MCTP1: variants seen among roughly 807,000 people sequenced by gnomAD.
MCTP1 encodes multiple C2 and transmembrane domain-containing protein 1.
A neutral mutation model predicts 120.6 loss-of-function variants in MCTP1; 69 were observed. The observed-to-expected ratio is 0.57, with a 90% confidence interval of 0.47 to 0.70. MCTP1 has a LOEUF of 0.70. Among genes scored for constraint, MCTP1 ranks in the 30% least tolerant of loss-of-function variants. The pLI, the probability that MCTP1 is intolerant of heterozygous loss-of-function variation, is 0.00. For synonymous variants in MCTP1, 529 were observed against 493.1 expected, an observed-to-expected ratio of 1.07 and a Z score of -0.96; for missense variants, 1,203 against 1,248.8, an observed-to-expected ratio of 0.96 and a Z score of 0.55.
At chr5:94,773,278 C>G (rs1774507470) in intron 19 of MCTP1, among the ~76,000 whole-genome samples, 1 of 152,024 alleles carries the variant, frequency 6.6e-6, no homozygotes, top group South Asian at 2.1e-4. Context: ...CAGTTTACAC[C>G]CCTGGCATGA....
At chr5:95,002,777 T>C (rs1036891816) in intron 2 of MCTP1, among the ~76,000 whole-genome samples, 2 of 152,204 alleles carry the variant, frequency 1.3e-5, no homozygotes, top group Admixed American at 1.3e-4. Flanking sequence ...GGGTTAATGC[T>C]GGAATGAGTT....
chr5:94,862,664 A>T (rs566799525), intron 17 of MCTP1, among the ~76,000 whole-genome samples: 3 of 151,762 alleles, frequency 2.0e-5, no homozygotes, highest in East Asian at 3.9e-4. Flanking sequence ...TGTACCTTAT[A>T]CTCTTTGGGG....
chr5:94,864,937 A>C (rs1796519456), intron 17 of MCTP1, among the ~76,000 whole-genome samples: 1 of 151,902 alleles, frequency 6.6e-6, no homozygotes, highest in Non-Finnish European at 1.5e-5. Context: ...GATGAAAATT[A>C]GGCCCAATTT....
At chr5:95,126,911 T>C (rs1758675130) in intron 1 of MCTP1, among the ~76,000 whole-genome samples, 1 of 152,206 alleles carries the variant, frequency 6.6e-6, no homozygotes, top group Non-Finnish European at 1.5e-5. Flanking sequence ...ACTTTAGAAA[T>C]CAACGGAAAC....
At chr5:95,218,828 C>T (rs1306544769) in intron 1 of MCTP1, among the ~76,000 whole-genome samples, 3 of 152,066 alleles carry the variant, frequency 2.0e-5, no homozygotes, top group South Asian at 2.1e-4. Flanking sequence ...AGTAAGTTAC[C>T]GTACTGAATA....
At chr5:94,901,934 T>C (rs2153421051) in intron 10 of MCTP1, among the ~76,000 whole-genome samples, 1 of 152,296 alleles carries the variant, frequency 6.6e-6, no homozygotes. Context: ...CATCAGTCTC[T>C]AATACATGAA....
chr5:95,052,135 G>A (rs1026995740), intron 1 of MCTP1, among the ~76,000 whole-genome samples: 2 of 152,088 alleles, frequency 1.3e-5, no homozygotes, highest in East Asian at 1.9e-4. Context: ...TGAAATTTTG[G>A]GCAAGTAGGT....
At chr5:94,933,111 C>T (rs1018206614) in intron 5 of MCTP1, among the ~76,000 whole-genome samples, 5 of 151,766 alleles carry the variant, frequency 3.3e-5, no homozygotes, top group African/African-American at 9.7e-5. Flanking sequence ...TCCTCCTTAA[C>T]AAAGACTGTT....
chr5:95,037,974 C>G (rs545578423), intron 1 of MCTP1: 1 of 200,652 alleles, frequency 5.0e-6, no homozygotes, highest in Non-Finnish European at 8.9e-6. Context: ...AATAGAGTTT[C>G]AGAAACTTGC....
chr5:94,773,242 T>TTA (rs993099447), intron 19 of MCTP1, among the ~76,000 whole-genome samples: 77 of 152,312 alleles, frequency 5.1e-4, no homozygotes, highest in African/African-American at 1.8e-3. Context: ...ATGGGACATA[T>TTA]TATACTGTGA....
intron 1 of MCTP1, among the ~76,000 whole-genome samples, chr5:95,262,146 C>T (rs745701849): frequency 1.3e-5 from 2 of 152,184 alleles, no homozygotes; most frequent in Non-Finnish European, 2.9e-5. Flanking sequence ...GGGATCTGGG[C>T]AGAGACAGGT....
intron 1 of MCTP1, among the ~76,000 whole-genome samples, chr5:95,255,023 T>C (rs1457268658): frequency 1.3e-5 from 2 of 152,192 alleles, no homozygotes; most frequent in Non-Finnish European, 2.9e-5. Flanking sequence ...CTTTCAGGGT[T>C]TTCTTGTACA....
At chr5:94,905,298 C>T (rs1036665085) in intron 10 of MCTP1, among the ~76,000 whole-genome samples, 5 of 152,130 alleles carry the variant, frequency 3.3e-5, no homozygotes, top group Non-Finnish European at 5.9e-5. Context: ...TGTGCAAAGT[C>T]TTATAGGCCA....
At chr5:95,003,427 T>C (rs1424306942) in intron 2 of MCTP1, among the ~76,000 whole-genome samples, 1 of 152,216 alleles carries the variant, frequency 6.6e-6, no homozygotes, top group Admixed American at 6.5e-5. Flanking sequence ...ATCATTTCAG[T>C]TTGTGTAAGT....
intron 3 of MCTP1, among the ~76,000 whole-genome samples, chr5:94,948,309 A>G (rs2153521914): frequency 6.6e-6 from 1 of 152,136 alleles, no homozygotes; most frequent in South Asian, 2.1e-4. Context: ...GGCATTTAGC[A>G]CTCTTCTCAG....
chr5:94,875,233 C>T (rs1798587208), intron 12 of MCTP1, among the ~76,000 whole-genome samples: 1 of 152,128 alleles, frequency 6.6e-6, no homozygotes, highest in African/African-American at 2.4e-5. Context: ...CGTGCTAAGA[C>T]AGTGACATGC....
At chr5:94,856,467 T>G (rs1404129548) in intron 17 of MCTP1, among the ~76,000 whole-genome samples, 2 of 151,716 alleles carry the variant, frequency 1.3e-5, no homozygotes, top group African/African-American at 4.8e-5. Context: ...ATCTGGAAAT[T>G]TATTTGAGGA....
chr5:95,261,666 C>T (rs1312648821), intron 1 of MCTP1, among the ~76,000 whole-genome samples: 2 of 152,194 alleles, frequency 1.3e-5, no homozygotes, highest in East Asian at 3.8e-4. Flanking sequence ...AATTTGTTGC[C>T]ACTGTTTCTA....
intron 1 of MCTP1, chr5:95,081,418 T>C (rs1446474557): frequency 5.6e-6 from 9 of 1,610,576 alleles, no homozygotes; most frequent in Non-Finnish European, 7.6e-6. Flanking sequence ...AACCAAAATG[T>C]TACTTACCTT....
Sources: gnomAD v4.1 joint callset for allele counts (sites outside exome capture counted in the v4.1 genomes callset) on GRCh38, gnomAD v4.1.1 for gene constraint, MANE v1.5 for transcripts, NCBI Gene and HGNC (gene_info 2026-07-23, HGNC 2026-07-21) for gene names.